NXPH1: variants seen among roughly 807,000 people sequenced by gnomAD.
The protein encoded by NXPH1 is neurexophilin 1, also known as neurexophilin-1.
A neutral mutation model predicts 23.7 loss-of-function variants in NXPH1; 5 were observed. That is an observed-to-expected ratio of 0.21 (90% confidence interval 0.11 to 0.44). The LOEUF (loss-of-function observed/expected upper bound fraction) is 0.44. Among genes scored for constraint, NXPH1 ranks in the 20% least tolerant of loss-of-function variants. NXPH1 has a pLI of 0.99. For synonymous variants in NXPH1, 144 were observed against 122.2 expected (o/e 1.18, Z -1.18); for missense variants, 324 against 321.6 (o/e 1.01, Z -0.06).
At chr7:8,745,196 T>C (rs1562472884) in intron 2 of NXPH1, among the ~76,000 whole-genome samples, 1 of 152,220 alleles carries the variant, frequency 6.6e-6, no homozygotes, top group African/African-American at 2.4e-5. Flanking sequence ...TTTCTTTTTT[T>C]CCCCTTTCTT....
intron 2 of NXPH1, among the ~76,000 whole-genome samples, chr7:8,527,211 G>A (rs1487934854): frequency 6.6e-6 from 1 of 152,180 alleles, no homozygotes; most frequent in African/African-American, 2.4e-5. Flanking sequence ...ATTATGTGGA[G>A]ATTCTGGTTC....
chr7:8,494,846 T>C lies in NXPH1; in HGVS notation c.54+59079T>C, dbSNP rs535985210. On this transcript the variant is annotated intron_variant, in intron 2 of 2. Coordinates refer to ENST00000405863, the MANE Select transcript of NXPH1 (RefSeq NM_152745.3). Reference sequence around the variant, plus strand: ...GCTTTTATGGGCACAGAGTAATAGATTGTGGTGGTGAGAACATGATCCTAA... The same window carrying C: ...GCTTTTATGGGCACAGAGTAATAGACTGTGGTGGTGAGAACATGATCCTAA... Among the ~76,000 whole-genome samples, 6 of 152,104 alleles carry C rather than the reference T, an allele frequency of 3.9e-5. No homozygotes were observed. In the South Asian group the frequency reaches 6.2e-4, roughly 16 times the overall value.
At chr7:8,554,011 A>G (rs1818316011) in intron 2 of NXPH1, among the ~76,000 whole-genome samples, 1 of 151,634 alleles carries the variant, frequency 6.6e-6, no homozygotes, top group African/African-American at 2.4e-5. Context: ...AGAAAGCTGA[A>G]ATGGTTATGT....
chr7:8,499,574 C>T (rs1458718933), intron 2 of NXPH1, among the ~76,000 whole-genome samples: 1 of 152,014 alleles, frequency 6.6e-6, no homozygotes, highest in Non-Finnish European at 1.5e-5. Context: ...AATAAGGGTA[C>T]AAGTAAGTGA....
At chr7:8,671,274 T>G (rs2115169771) in intron 2 of NXPH1, among the ~76,000 whole-genome samples, 1 of 152,336 alleles carries the variant, frequency 6.6e-6, no homozygotes, top group Non-Finnish European at 1.5e-5. Context: ...AACATATGTT[T>G]GACTAAGATT....
intron 2 of NXPH1, among the ~76,000 whole-genome samples, chr7:8,647,291 G>A (rs987084867): frequency 1.3e-5 from 2 of 152,080 alleles, no homozygotes; most frequent in Non-Finnish European, 1.5e-5. Flanking sequence ...CAGGCCCAGC[G>A]CAGGTCATGG....
chr7:8,554,905 AG>A (rs760558968), intron 2 of NXPH1, among the ~76,000 whole-genome samples: 7 of 151,742 alleles, frequency 4.6e-5, no homozygotes, highest in Non-Finnish European at 1.0e-4. Context: ...TTAGAATTTT[AG>A]GAGGGATATC....
At chr7:8,485,159 C>T (rs554878167) in intron 2 of NXPH1, among the ~76,000 whole-genome samples, 1 of 152,214 alleles carries the variant, frequency 6.6e-6, no homozygotes, top group East Asian at 1.9e-4. Flanking sequence ...TTCCTGTGCT[C>T]TCTTTGTGAT....
intron 2 of NXPH1, among the ~76,000 whole-genome samples, chr7:8,508,165 C>G (rs1413763242): frequency 1.3e-5 from 2 of 152,060 alleles, no homozygotes; most frequent in Non-Finnish European, 2.9e-5. Context: ...GCTTTTCTCT[C>G]TATTATAAAT....
At chr7:8,717,163 T>G (rs1253378599) in intron 2 of NXPH1, among the ~76,000 whole-genome samples, 1 of 152,228 alleles carries the variant, frequency 6.6e-6, no homozygotes, top group Non-Finnish European at 1.5e-5. Context: ...CTAAGAAACA[T>G]ACACATATAA....
At chr7:8,510,091 C>T (rs1055140438) in intron 2 of NXPH1, among the ~76,000 whole-genome samples, 5 of 152,100 alleles carry the variant, frequency 3.3e-5, no homozygotes, top group African/African-American at 1.2e-4. Flanking sequence ...TCAAATGGGT[C>T]TCTCTCAAGA....
chr7:8,612,891 T>C (rs548333767), intron 2 of NXPH1, among the ~76,000 whole-genome samples: 1 of 152,216 alleles, frequency 6.6e-6, no homozygotes, highest in African/African-American at 2.4e-5. Context: ...TTACCTTACC[T>C]GAAGTTAGGT....
At chr7:8,730,801 A>G (rs1780139361) in intron 2 of NXPH1, among the ~76,000 whole-genome samples, 1 of 150,458 alleles carries the variant, frequency 6.6e-6, no homozygotes, top group East Asian at 2.0e-4. Flanking sequence ...ACTTTGGTGA[A>G]TCTGACAATT....
chr7:8,502,407 C>G (rs573464366), intron 2 of NXPH1, among the ~76,000 whole-genome samples: 2 of 151,630 alleles, frequency 1.3e-5, no homozygotes, highest in Non-Finnish European at 2.9e-5. Flanking sequence ...ATTAATTTAA[C>G]AAACATTCAT....
intron 2 of NXPH1, among the ~76,000 whole-genome samples, chr7:8,565,706 G>A (rs2128621291): frequency 6.6e-6 from 1 of 151,824 alleles, no homozygotes; most frequent in African/African-American, 2.4e-5. Flanking sequence ...TTTCACTGGT[G>A]TGTTTAGGTG....
intron 2 of NXPH1, among the ~76,000 whole-genome samples, chr7:8,575,757 CT>C (rs59938417): frequency 0.31 from 45,742 of 146,808 alleles, 9,938 homozygotes; most frequent in African/African-American, 0.63. Context: ...GGGCAATGAT[CT>C]TTTTTTTTTT....
intron 2 of NXPH1, among the ~76,000 whole-genome samples, chr7:8,731,287 T>C (rs527427304): frequency 2.0e-5 from 3 of 152,240 alleles, no homozygotes; most frequent in African/African-American, 7.2e-5. Flanking sequence ...TTGGTTTGAA[T>C]GTCCTCCCGT....
chr7:8,679,240 C>T (rs1821013513), intron 2 of NXPH1, among the ~76,000 whole-genome samples: 1 of 152,022 alleles, frequency 6.6e-6, no homozygotes, highest in Non-Finnish European at 1.5e-5. Flanking sequence ...AGCCACCGCG[C>T]CCAGCCTGCT....
chr7:8,464,213 T>C (rs903144105), intron 2 of NXPH1, among the ~76,000 whole-genome samples: 4 of 152,172 alleles, frequency 2.6e-5, no homozygotes, highest in Admixed American at 6.5e-5. Flanking sequence ...TTCTTAGCCA[T>C]CCCTAGACAT....
Sources: allele counts gnomAD v4.1 joint callset (sites outside exome capture counted in the v4.1 genomes callset), GRCh38; gene constraint gnomAD v4.1.1; transcripts MANE v1.5; gene names NCBI Gene and HGNC (gene_info 2026-07-23, HGNC 2026-07-21).